Variants in BNC2 observed in about 807,000 individuals in gnomAD.
The protein encoded by BNC2 is basonuclin zinc finger protein 2.
Under a neutral mutation model 76.3 loss-of-function variants are expected in BNC2, and 20 were observed. The observed-to-expected ratio is 0.26, with a 90% CI of 0.18 to 0.38. The LOEUF is 0.38. BNC2 is among the 10% of genes least tolerant of loss of function. The probability of loss-of-function intolerance (pLI) is 1.00; values close to 1 mark genes in which losing one functional copy is unlikely to be tolerated. For synonymous variants in BNC2, 582 were observed against 514.8 expected (o/e 1.13, Z -1.77); for missense variants, 1,382 against 1,399.8 (o/e 0.99, Z 0.20).
intron 3 of BNC2, among the ~76,000 whole-genome samples, chr9:16,606,530 T>C (rs1820389734): frequency 8.5e-6 from 1 of 117,920 alleles, no homozygotes; most frequent in East Asian, 2.1e-4. Context: ...ATCTGATAGC[T>C]TTTTTTTTTT....
chr9:16,443,618 G>A (rs1022059223), intron 5 of BNC2, among the ~76,000 whole-genome samples: 5 of 151,346 alleles, frequency 3.3e-5, no homozygotes, highest in African/African-American at 1.2e-4. Context: ...AAGTCTTAGG[G>A]GTAAAGAAAT....
At chr9:16,512,484 G>A (rs113481363) in intron 5 of BNC2, among the ~76,000 whole-genome samples, 7 of 149,262 alleles carry the variant, frequency 4.7e-5, no homozygotes, top group East Asian at 3.9e-4. Flanking sequence ...TAACACACGC[G>A]CACACACACA....
chr9:16,477,299 T>A (rs1049706950), intron 5 of BNC2, among the ~76,000 whole-genome samples: 1 of 152,142 alleles, frequency 6.6e-6, no homozygotes, highest in East Asian at 1.9e-4. Flanking sequence ...AGCTTCGGAA[T>A]ACTCTTTGAT....
chr9:16,766,000 G>A (rs940088082), intron 1 of BNC2, among the ~76,000 whole-genome samples: 21 of 152,108 alleles, frequency 1.4e-4, no homozygotes, highest in African/African-American at 4.6e-4. Flanking sequence ...TGTTAGCCAG[G>A]ATGTTCTCGA....
chr9:16,798,055 C>G (rs1177237414), intron 1 of BNC2, among the ~76,000 whole-genome samples: 1 of 152,186 alleles, frequency 6.6e-6, no homozygotes, highest in Admixed American at 6.5e-5. Context: ...TTTCTTTGGT[C>G]TCTAGGACCC....
chr9:16,868,043 G>C lies in BNC2; in HGVS notation c.3+2603C>G, dbSNP rs1032335183. ...TATCCTGCTGCTGACAAGTTAGCAG[G>C]GGACTGCGGCTGCAACATGAAAGTA... On this transcript the variant is annotated intron_variant, in intron 1 of 6. Transcript: ENST00000380672. 2.6e-5 allele frequency: 4 copies of C among 152,134 alleles called. No individual in the cohort carries two copies. In the East Asian group the frequency reaches 7.7e-4, roughly 29 times the overall value. The allele number at this position is 152,134 out of a possible 1,614,324, so 9.4% of individuals were successfully genotyped here.
At chr9:16,735,206 T>C (rs2135083007) in intron 2 of BNC2, among the ~76,000 whole-genome samples, 1 of 152,308 alleles carries the variant, frequency 6.6e-6, no homozygotes, top group South Asian at 2.1e-4. Flanking sequence ...GAGGTCAGCA[T>C]GAATCTTGTG....
chr9:16,791,671 G>C (rs1563945287), intron 1 of BNC2, among the ~76,000 whole-genome samples: 1 of 152,096 alleles, frequency 6.6e-6, no homozygotes, highest in Non-Finnish European at 1.5e-5. Context: ...ATTATAATTC[G>C]AACACTGTTA....
chr9:16,794,866 T>C (rs1395857754), intron 1 of BNC2, among the ~76,000 whole-genome samples: 1 of 151,612 alleles, frequency 6.6e-6, no homozygotes, highest in African/African-American at 2.4e-5. Context: ...AGAAGAAGTG[T>C]CAGGCTCAAA....
rs1266666841 is a variant in BNC2 at position 16,467,740 on chromosome 9, C to A, written c.670-30216G>T. On this transcript the variant is annotated intron_variant, in intron 5 of 6. Transcript: ENST00000380672. ...GAGATATACCTAATGCTAGATGACA[C>A]GTTAGTGGGTGCAGCGCACCAGCAT... is the stretch of plus-strand genomic sequence containing the variant. Among the ~76,000 whole-genome samples the A allele has an allele frequency of 4.2e-5, 6 of 141,900 alleles. No homozygotes were observed. In the East Asian group the frequency reaches 6.3e-4, roughly 15 times the overall value. 93.1% of individuals were successfully genotyped at this position (141,900 alleles called of 152,430 possible). A position where few individuals can be genotyped will look rare whatever the true frequency, so the allele number is the denominator to read the frequency against.
intron 4 of BNC2, among the ~76,000 whole-genome samples, chr9:16,572,913 T>C (rs1563845320): frequency 6.6e-6 from 1 of 152,110 alleles, no homozygotes; most frequent in Non-Finnish European, 1.5e-5. Context: ...ACCTAGAGCC[T>C]ACGATTACCA....
At chr9:16,601,940 G>C (rs556758940) in intron 3 of BNC2, among the ~76,000 whole-genome samples, 123 of 152,200 alleles carry the variant, frequency 8.1e-4, no homozygotes, top group African/African-American at 2.9e-3. Context: ...AATATAATAA[G>C]TGCTCAGTAA....
chr9:16,575,705 G>A (rs1819464558), intron 4 of BNC2, among the ~76,000 whole-genome samples: 1 of 152,108 alleles, frequency 6.6e-6, no homozygotes, highest in Non-Finnish European at 1.5e-5. Flanking sequence ...CTCAGGTCAA[G>A]CCCAAAAAAG....
chr9:16,488,842 A>G (rs761577599), intron 5 of BNC2, among the ~76,000 whole-genome samples: 2 of 152,168 alleles, frequency 1.3e-5, no homozygotes, highest in Non-Finnish European at 2.9e-5. Context: ...AGCAAAAAAA[A>G]ACCCAAAAAA....
In BNC2 at chr9:16,419,521, G is replaced by C. The variant is rs117452684; in HGVS notation, c.2768C>G (p.Ala923Gly). ...RDEFLVKIYGAQHPMGLDVRE... is the reference protein window; with the variant it reads ...RDEFLVKIYGGQHPMGLDVRE... ...GACATCGAGCCCCATGGGGTGCTGG[G>C]CACCATATATCTTCACCAAAAATTC... is the stretch of plus-strand genomic sequence containing the variant. Residue 923 changes from alanine to glycine, a missense_variant, in exon 7 of 7, where the codon GCC (alanine) becomes GGC (glycine). Coordinates refer to ENST00000380672, the MANE Select transcript of BNC2 (RefSeq NM_017637.6). 2 of 1,614,130 alleles carry C rather than the reference G, an allele frequency of 1.2e-6. No individual in the cohort carries two copies. Among genetic ancestry groups the C allele is most frequent in the East Asian group, 2.2e-5 (1 of 44,856 alleles).
chr9:16,573,599 G>A (rs1350182538), intron 4 of BNC2, among the ~76,000 whole-genome samples: 1 of 152,092 alleles, frequency 6.6e-6, no homozygotes, highest in Non-Finnish European at 1.5e-5. Context: ...AGATGGGTTT[G>A]CATTTAAATT....
chr9:16,493,453 T>C (rs1822319929), intron 5 of BNC2, among the ~76,000 whole-genome samples: 1 of 152,232 alleles, frequency 6.6e-6, no homozygotes, highest in Admixed American at 6.5e-5. Context: ...CAGAGCTGTC[T>C]TGAGCACCTA....
intron 1 of BNC2, among the ~76,000 whole-genome samples, chr9:16,802,735 G>C (rs542925201): frequency 6.6e-6 from 1 of 152,274 alleles, no homozygotes; most frequent in Non-Finnish European, 1.5e-5. Context: ...TGAGATCATG[G>C]TGGGTTCTAT....
intron 1 of BNC2, among the ~76,000 whole-genome samples, chr9:16,800,169 G>A (rs1306636528): frequency 6.6e-6 from 1 of 151,200 alleles, no homozygotes; most frequent in Non-Finnish European, 1.5e-5. Flanking sequence ...ACATTGCAGT[G>A]AGCCGAGATT....
Sources: gnomAD v4.1 joint callset for allele counts (sites outside exome capture counted in the v4.1 genomes callset) on GRCh38, gnomAD v4.1.1 for gene constraint, MANE v1.5 for transcripts, NCBI Gene and HGNC (gene_info 2026-07-23, HGNC 2026-07-21) for gene names.